The following UNC13B variants were observed in gnomAD, a reference collection of about 807,000 sequenced individuals.
UNC13B encodes the protein protein unc-13 homolog B.
In UNC13B, 144 loss-of-function variants were observed where a neutral mutation model predicts 211.0. The observed-to-expected ratio is 0.68, with a 90% CI of 0.60 to 0.78. The LOEUF (loss-of-function observed/expected upper bound fraction) is 0.78. UNC13B is among the 30% of genes least tolerant of loss of function. UNC13B has a pLI of 0.00. For synonymous variants in UNC13B, 709 were observed against 725.8 expected (o/e 0.98, Z 0.37); for missense variants, 1,777 against 2,002.0 (o/e 0.89, Z 2.14).
At position 35,297,547 on chromosome 9, in the gene UNC13B, C is replaced by CTTTTTTTTTTTTTTTTTTTT. The variant is rs774525517; in HGVS notation, c.761+1618_761+1637dup. ...TGCATTCAGGAAGCACATACTTTGT[C>CTTTTTTTTTTTTTTTTTTTT]TTTTTTTTTTTTTTTTTTTTGAGAC... On this transcript the variant is annotated intron_variant, in intron 8 of 39. Coordinates refer to ENST00000635942, the MANE Select transcript of UNC13B (RefSeq NM_001371189.2). Among the ~76,000 whole-genome samples the CTTTTTTTTTTTTTTTTTTTT allele has an allele frequency of 2.1e-4, 21 of 100,854 alleles. 2 individuals carry two copies. The highest frequency in any genetic ancestry group is 7.0e-4 in the African/African-American group (17 of 24,428). 66.2% of individuals were successfully genotyped at this position (100,854 alleles called of 152,430 possible).
At chr9:35,190,781 C>T (rs2131340055) in intron 1 of UNC13B, among the ~76,000 whole-genome samples, 1 of 152,198 alleles carries the variant, frequency 6.6e-6, no homozygotes, top group Non-Finnish European at 1.5e-5. Flanking sequence ...CTGGGATATC[C>T]ACTTTTAATT....
chr9:35,352,728 C>G, intron 11 of UNC13B: 1 of 1,232,178 alleles, frequency 8.1e-7, no homozygotes, highest in Non-Finnish European at 1.0e-6. Context: ...GCATCAAGAA[C>G]ATCTCAAGTT....
chr9:35,251,397 A>G (rs1826477590), intron 6 of UNC13B, among the ~76,000 whole-genome samples: 1 of 152,016 alleles, frequency 6.6e-6, no homozygotes, highest in South Asian at 2.1e-4. Context: ...GACCAGCCTG[A>G]CCAACATGGT....
chr9:35,342,982 A>G (rs117836307), intron 11 of UNC13B, among the ~76,000 whole-genome samples: 1 of 152,268 alleles, frequency 6.6e-6, no homozygotes, highest in South Asian at 2.1e-4. Flanking sequence ...ATGTGTGTAT[A>G]TGCCATATAA....
intron 1 of UNC13B, among the ~76,000 whole-genome samples, chr9:35,210,665 A>G (rs1208801937): frequency 1.3e-5 from 2 of 152,054 alleles, no homozygotes; most frequent in East Asian, 3.9e-4. Flanking sequence ...CTGGGACTAC[A>G]GGCATGTGCC....
chr9:35,311,322 G>T (rs1053491310), intron 10 of UNC13B, among the ~76,000 whole-genome samples: 2 of 152,202 alleles, frequency 1.3e-5, no homozygotes, highest in African/African-American at 4.8e-5. Context: ...AGGGCTTCTT[G>T]AGTCTGCAGT....
In UNC13B at chr9:35,404,249, G is replaced by A. The variant is rs1439827710; in HGVS notation, c.*216G>A. 3 of 613,740 alleles carry A rather than the reference G, an allele frequency of 4.9e-6. No individual in the cohort carries two copies. The African/African-American group carries it at 5.5e-5, about 11-fold the overall frequency. 38.0% of individuals were successfully genotyped at this position (613,740 alleles called of 1,614,324 possible). On this transcript the variant is annotated 3_prime_UTR_variant, in exon 40 of 40. Coordinates refer to ENST00000635942, the MANE Select transcript of UNC13B (RefSeq NM_001371189.2). ...ACAGGACTGTGGTACTAGGGGCTGG[G>A]ATGTGGGGTTACCACATGGAGAGAT...
intron 7 of UNC13B, among the ~76,000 whole-genome samples, chr9:35,269,901 GA>G (rs1827779765): frequency 6.6e-6 from 1 of 151,706 alleles, no homozygotes; most frequent in African/African-American, 2.4e-5. Context: ...ATGGACACAT[GA>G]TTTTTTTTTT....
intron 1 of UNC13B, among the ~76,000 whole-genome samples, chr9:35,170,613 T>G (rs1821283380): frequency 6.6e-6 from 1 of 151,788 alleles, no homozygotes; most frequent in South Asian, 2.1e-4. Flanking sequence ...GGACTACAGG[T>G]GTGAACTACC....
chr9:35,365,542 A>C (rs1465338180), intron 11 of UNC13B, among the ~76,000 whole-genome samples: 1 of 152,068 alleles, frequency 6.6e-6, no homozygotes, highest in East Asian at 1.9e-4. Flanking sequence ...AGGGAAAATA[A>C]GTTCTGGTTG....
chr9:35,258,844 A>G (rs1827090581), intron 6 of UNC13B, 149 bp from the exon 7 acceptor site: 1 of 698,434 alleles, frequency 1.4e-6, no homozygotes, highest in African/African-American at 1.8e-5. Flanking sequence ...TCACACAGAG[A>G]AAATAGGAGC....
intron 24 of UNC13B, among the ~76,000 whole-genome samples, chr9:35,388,384 G>A (rs989904162): frequency 3.3e-5 from 5 of 152,192 alleles, no homozygotes; most frequent in African/African-American, 1.2e-4. Context: ...CTCCAGCCTG[G>A]GCGACAGAGT....
intron 11 of UNC13B, among the ~76,000 whole-genome samples, chr9:35,337,121 T>C (rs1437691577): frequency 6.6e-6 from 1 of 151,972 alleles, no homozygotes; most frequent in Non-Finnish European, 1.5e-5. Context: ...CACTGACGGA[T>C]TTTAAGAAAA....
At chr9:35,280,219 A>G (rs556192625) in intron 7 of UNC13B, among the ~76,000 whole-genome samples, 2 of 152,322 alleles carry the variant, frequency 1.3e-5, no homozygotes, top group South Asian at 2.1e-4. Context: ...TCTAGAAAAG[A>G]TGAGTTTCGA....
intron 1 of UNC13B, among the ~76,000 whole-genome samples, chr9:35,175,826 G>C (rs952158942): frequency 6.7e-6 from 1 of 149,220 alleles, no homozygotes; most frequent in African/African-American, 2.5e-5. Context: ...AGACCAGTCT[G>C]GCCAACATGG....
chr9:35,362,691 T>C (rs1030270831), intron 11 of UNC13B, among the ~76,000 whole-genome samples: 1 of 151,814 alleles, frequency 6.6e-6, no homozygotes, highest in African/African-American at 2.4e-5. Flanking sequence ...TCCCAGCTAC[T>C]TGGGAGGCTG....
intron 1 of UNC13B, among the ~76,000 whole-genome samples, chr9:35,224,314 A>C (rs73499303): frequency 6.6e-6 from 1 of 152,036 alleles, no homozygotes; most frequent in African/African-American, 2.4e-5. Context: ...GTTCTCTTCA[A>C]TTTCTCTCAT....
intron 7 of UNC13B, among the ~76,000 whole-genome samples, chr9:35,271,194 T>G (rs1827862480): frequency 6.6e-6 from 1 of 151,938 alleles, no homozygotes. Flanking sequence ...CCTCTGCATC[T>G]TTGTTAAAAT....
rs1295459092 is a variant in UNC13B at position 35,236,549 on chromosome 9, T to C, written c.233T>C (p.Val78Ala). 1.9e-6 allele frequency: 3 copies of C among 1,614,132 alleles called. No homozygotes were observed. Among genetic ancestry groups the C allele is most frequent in the South Asian group, 1.1e-5 (1 of 91,078 alleles). Residue 78 changes from valine (V) to alanine (A), a missense_variant, in exon 4 of 40, where the codon GTG (valine) becomes GCG (alanine). Val to Ala is a moderately conservative substitution (Grantham distance 64). Coordinates refer to ENST00000635942, the MANE Select transcript of UNC13B (RefSeq NM_001371189.2). ...ATCTGGGACACCATGGTGGGGACTG[T>C]GTGGATTGCGCTGAAGACTATTCGT... ...GLIWDTMVGT[V>A]WIALKTIRQS... is the part of the protein sequence containing the mutation.
Sources: allele counts gnomAD v4.1 joint callset (sites outside exome capture counted in the v4.1 genomes callset), GRCh38; gene constraint gnomAD v4.1.1; transcripts MANE v1.5; gene names NCBI Gene and HGNC (gene_info 2026-07-23, HGNC 2026-07-21).